The following DOCK4 variants were observed in gnomAD, a reference collection of about 807,000 sequenced individuals.
DOCK4 encodes the protein dedicator of cytokinesis 4, also known as dedicator of cytokinesis protein 4.
Under a neutral mutation model 268.1 loss-of-function variants are expected in DOCK4, and 97 were observed. The ratio of observed to expected loss-of-function variants is 0.36; its 90% CI spans 0.31 to 0.43. The LOEUF (loss-of-function observed/expected upper bound fraction) is 0.43. Ranked by LOEUF, DOCK4 falls within the 20% of genes least tolerant of loss-of-function variation. The probability of loss-of-function intolerance (pLI) is 1.00; values close to 1 mark genes in which losing one functional copy is unlikely to be tolerated. For synonymous variants in DOCK4, 954 were observed against 887.2 expected, an observed-to-expected ratio of 1.08 and a Z score of -1.34; for missense variants, 2,145 against 2,455.7, an observed-to-expected ratio of 0.87 and a Z score of 2.67.
intron 12 of DOCK4, among the ~76,000 whole-genome samples, chr7:111,932,270 A>G (rs1380633339): frequency 6.6e-6 from 1 of 152,226 alleles, no homozygotes; most frequent in African/African-American, 2.4e-5. Flanking sequence ...TATCATGGTG[A>G]GTCAAGACCA....
At chr7:111,929,568 C>T (rs1258037463) in intron 12 of DOCK4, among the ~76,000 whole-genome samples, 1 of 152,184 alleles carries the variant, frequency 6.6e-6, no homozygotes, top group African/African-American at 2.4e-5. Flanking sequence ...ATTATACCAA[C>T]TTGGTAACAC....
At chr7:111,791,455 T>G (rs1273317921) in intron 30 of DOCK4, among the ~76,000 whole-genome samples, 9 of 151,736 alleles carry the variant, frequency 5.9e-5, no homozygotes. Context: ...TCTGTTTTTT[T>G]TGTTTTTTTT....
intron 1 of DOCK4, among the ~76,000 whole-genome samples, chr7:112,035,449 T>A (rs773976575): frequency 6.6e-6 from 1 of 151,996 alleles, no homozygotes; most frequent in South Asian, 2.1e-4. Flanking sequence ...ATGAATTCTA[T>A]AAAACAAGGA....
chr7:112,042,107 G>A (rs1306914202), intron 1 of DOCK4, among the ~76,000 whole-genome samples: 2 of 152,058 alleles, frequency 1.3e-5, no homozygotes, highest in African/African-American at 4.8e-5. Flanking sequence ...CTGCGCTCCA[G>A]CCTGGGCAAC....
chr7:111,752,578 G>GTT (rs56037303), intron 42 of DOCK4, among the ~76,000 whole-genome samples: 2,123 of 82,094 alleles, frequency 0.026, 12 homozygotes, highest in Non-Finnish European at 0.03. Flanking sequence ...ATCAGCTTAG[G>GTT]TTTTTTTTTT....
intron 1 of DOCK4, among the ~76,000 whole-genome samples, chr7:112,046,290 C>A: frequency 6.6e-6 from 1 of 152,062 alleles, no homozygotes; most frequent in Non-Finnish European, 1.5e-5. Context: ...TTGGAATTCT[C>A]AAAAGAAAGC....
At chr7:112,057,009 A>G (rs1334979836) in intron 1 of DOCK4, among the ~76,000 whole-genome samples, 1 of 152,196 alleles carries the variant, frequency 6.6e-6, no homozygotes, top group African/African-American at 2.4e-5. Context: ...GTATACTTTA[A>G]AATGGTTGCA....
chr7:111,756,222 ACCTGTAGTCCCAG>A (rs1176039086), intron 41 of DOCK4, among the ~76,000 whole-genome samples: 1 of 152,098 alleles, frequency 6.6e-6, no homozygotes, highest in African/African-American at 2.4e-5. Flanking sequence ...GGTGGCGGGC[ACCTGTAGTCCCAG>A]CTACTTGGGA....
intron 29 of DOCK4, 37 bp downstream of exon 29, chr7:111,809,264 G>A: frequency 1.4e-6 from 2 of 1,447,904 alleles, no homozygotes; most frequent in South Asian, 1.2e-5. Context: ...CTCTTTAAGA[G>A]GCAACATTTC....
At chr7:112,164,561 C>T (rs576365189) in intron 1 of DOCK4, among the ~76,000 whole-genome samples, 4 of 152,118 alleles carry the variant, frequency 2.6e-5, no homozygotes, top group African/African-American at 9.6e-5. Flanking sequence ...ATACTCTATA[C>T]ACACACACAC....
chr7:111,935,618 CTG>C lies in DOCK4; in HGVS notation c.986_987del (p.Thr329ArgfsTer3). On this transcript the variant is annotated frameshift_variant, in exon 12 of 53. Coordinates refer to ENST00000428084, the MANE Select transcript of DOCK4 (RefSeq NM_001363540.2). LOFTEE classifies it high-confidence loss of function. ...TCATGGATTTGGTACCACTCACTCTCTGTGTTACACCTATGAAAACATTAACA... is the reference window on the plus strand; with the variant it reads ...TCATGGATTTGGTACCACTCACTCTCTGTTACACCTATGAAAACATTAACA... Reference protein sequence around the residue: ...DLILKVYMCNTESEWYQIHEN... With the variant: ...DLILKVYMCNXESEWYQIHEN... 1 of 1,613,660 alleles carries C rather than the reference CTG, an allele frequency of 6.2e-7. No homozygotes were observed. The highest frequency in any genetic ancestry group is 8.5e-7 in the Non-Finnish European group (1 of 1,179,644).
At chr7:111,879,458 C>T (rs1186820347) in intron 16 of DOCK4, among the ~76,000 whole-genome samples, 1 of 152,108 alleles carries the variant, frequency 6.6e-6, no homozygotes, top group African/African-American at 2.4e-5. Flanking sequence ...GCAAAGGGGG[C>T]TTTGCCTTGT....
chr7:111,746,474 C>T, intron 43 of DOCK4, 57 bp from the exon 44 acceptor site: 1 of 1,421,432 alleles, frequency 7.0e-7, no homozygotes, highest in African/African-American at 1.4e-5. Context: ...AAGTCAAAGA[C>T]AAGTTGTTTT....
At chr7:111,820,416 G>T (rs1801887265) in intron 27 of DOCK4, 1 of 152,208 alleles carries the variant, frequency 6.6e-6, no homozygotes, top group Non-Finnish European at 1.5e-5. Flanking sequence ...CATTTCTTGG[G>T]TTTGCTATGG....
chr7:111,761,866 T>C (rs916912571), intron 39 of DOCK4, among the ~76,000 whole-genome samples: 1 of 152,182 alleles, frequency 6.6e-6, no homozygotes, highest in Non-Finnish European at 1.5e-5. Context: ...TAAAACTTTA[T>C]AGATAAAAGT....
intron 1 of DOCK4, among the ~76,000 whole-genome samples, chr7:112,153,761 C>T (rs1816324570): frequency 1.3e-5 from 2 of 152,118 alleles, no homozygotes; most frequent in African/African-American, 4.8e-5. Context: ...GACACATTGT[C>T]CCAGCAAAAC....
intron 1 of DOCK4, among the ~76,000 whole-genome samples, chr7:112,082,944 C>G (rs11977853): frequency 0.11 from 16,670 of 152,044 alleles, 2,799 homozygotes; most frequent in African/African-American, 0.36. Flanking sequence ...CACTTTATTA[C>G]TTTTAATGTA....
At chr7:112,040,902 C>A (rs1804294954) in intron 1 of DOCK4, among the ~76,000 whole-genome samples, 1 of 152,052 alleles carries the variant, frequency 6.6e-6, no homozygotes. Context: ...AAAATACATG[C>A]AATGTCTGAA....
chr7:111,895,463 A>G (rs1025717814), intron 16 of DOCK4, 149 bp downstream of exon 16: 2 of 742,062 alleles, frequency 2.7e-6, no homozygotes, highest in African/African-American at 3.5e-5. Flanking sequence ...ATATAGAAAC[A>G]ATACTTTGAA....
Sources: allele counts gnomAD v4.1 joint callset (sites outside exome capture counted in the v4.1 genomes callset), GRCh38; gene constraint gnomAD v4.1.1; transcripts MANE v1.5; gene names NCBI Gene and HGNC (gene_info 2026-07-23, HGNC 2026-07-21).